Variants in SMYD3 observed in about 807,000 individuals in gnomAD.
SMYD3 encodes the protein histone-lysine N-methyltransferase SMYD3.
A neutral mutation model predicts 57.7 loss-of-function variants in SMYD3; 36 were observed. That is an observed-to-expected ratio of 0.62 (90% confidence interval 0.48 to 0.82). The LOEUF (loss-of-function observed/expected upper bound fraction) is 0.82, where lower values mean the gene tolerates loss of function less well. SMYD3 is among the 40% of genes least tolerant of loss of function. SMYD3 has a pLI of 0.00. For missense variants in SMYD3, 515 were observed against 538.8 expected, an observed-to-expected ratio of 0.96 and a Z score of 0.44; for synonymous variants, 211 against 195.0, an observed-to-expected ratio of 1.08 and a Z score of -0.68.
At chr1:245,960,470 T>C (rs533841065) in intron 5 of SMYD3, among the ~76,000 whole-genome samples, 1 of 152,288 alleles carries the variant, frequency 6.6e-6, no homozygotes, top group East Asian at 1.9e-4. Flanking sequence ...AGAATGGGCA[T>C]AGGGCTGGGC....
At chr1:246,409,852 T>C (rs1295604283) in intron 1 of SMYD3, among the ~76,000 whole-genome samples, 3 of 152,230 alleles carry the variant, frequency 2.0e-5, no homozygotes, top group African/African-American at 4.8e-5. Flanking sequence ...TTTATTTCAT[T>C]GAGCAGTGGT....
At chr1:246,354,446 G>C (rs2065879430) in intron 2 of SMYD3, among the ~76,000 whole-genome samples, 1 of 152,176 alleles carries the variant, frequency 6.6e-6, no homozygotes, top group South Asian at 2.1e-4. Flanking sequence ...ATTTGGGGAA[G>C]TGTGCAAAAT....
intron 1 of SMYD3, among the ~76,000 whole-genome samples, chr1:246,405,925 AG>A (rs2066858384): frequency 7.1e-6 from 1 of 141,148 alleles, no homozygotes; most frequent in Non-Finnish European, 1.6e-5. Context: ...AAAAAAAAAA[AG>A]AAAGAAAGAA....
At chr1:246,311,253 CT>C (rs2065070954) in intron 5 of SMYD3, among the ~76,000 whole-genome samples, 1 of 152,162 alleles carries the variant, frequency 6.6e-6, no homozygotes, top group Non-Finnish European at 1.5e-5. Context: ...ATGCTAAATA[CT>C]TTGCAAGATT....
At chr1:245,771,325 G>T (rs1349116557) in intron 10 of SMYD3, among the ~76,000 whole-genome samples, 1 of 152,116 alleles carries the variant, frequency 6.6e-6, no homozygotes, top group Non-Finnish European at 1.5e-5. Context: ...ACTGAAGCTG[G>T]ATGATAGACA....
intron 5 of SMYD3, among the ~76,000 whole-genome samples, chr1:246,082,554 T>C (rs1356643971): frequency 1.3e-5 from 2 of 152,120 alleles, no homozygotes; most frequent in African/African-American, 2.4e-5. Context: ...AAACTGTCCA[T>C]AAAAACCCCA....
chr1:246,355,383 C>T lies in SMYD3; in HGVS notation c.165-289G>A. 2.9e-6 allele frequency: 1 copy of T among 347,696 alleles called. No individual in the cohort carries two copies. The highest frequency in any genetic ancestry group is 6.4e-5 in the East Asian group (1 of 15,638). The allele number at this position is 347,696 out of a possible 1,614,324, so 21.5% of individuals were successfully genotyped here. Reference sequence around the variant, plus strand: ...AGACAGAGCAGCGTGTGGGGACTCACACTGTGAACTTTTGATCCAACAACT... The same window carrying T: ...AGACAGAGCAGCGTGTGGGGACTCATACTGTGAACTTTTGATCCAACAACT... On this transcript the variant is annotated intron_variant, in intron 1 of 11. Transcript: ENST00000490107. This position sits in a 1 kb window ranked among gnomAD's most constrained non-coding sequence, Gnocchi z 5.0.
chr1:246,410,084 G>C (rs1280339870), intron 1 of SMYD3, among the ~76,000 whole-genome samples: 2 of 152,142 alleles, frequency 1.3e-5, no homozygotes, highest in East Asian at 3.9e-4. Flanking sequence ...AGATGATCGG[G>C]TTTTCTAGAT....
intron 10 of SMYD3, among the ~76,000 whole-genome samples, chr1:245,775,220 G>C (rs2817493): frequency 0.42 from 64,063 of 152,068 alleles, 17,716 homozygotes; most frequent in East Asian, 0.88. Flanking sequence ...GGAGGTGTAC[G>C]CAGCAGGTCA....
At chr1:246,402,819 A>C (rs1285424869) in intron 1 of SMYD3, among the ~76,000 whole-genome samples, 1 of 152,232 alleles carries the variant, frequency 6.6e-6, no homozygotes, top group Non-Finnish European at 1.5e-5. Context: ...TTTACTATAA[A>C]GAGATTTTTC....
At chr1:246,485,635 T>A (rs919918293) in intron 1 of SMYD3, among the ~76,000 whole-genome samples, 35 of 151,090 alleles carry the variant, frequency 2.3e-4, no homozygotes, top group African/African-American at 5.4e-4. Context: ...CAAAAAAAAT[T>A]TTTTTTAAAT....
rs370612928 is a variant in SMYD3, at chr1:246,193,269, G to A, written c.531+133932C>T. Reference sequence around the variant, plus strand: ...GAAAAAATTCTGGGATGAAAGTAAGGAAGAAGAGATTGGAAGAATAAATTA... The same window carrying A: ...GAAAAAATTCTGGGATGAAAGTAAGAAAGAAGAGATTGGAAGAATAAATTA... On this transcript the variant is annotated intron_variant, in intron 5 of 11. Transcript: ENST00000490107. 5.9e-5 allele frequency among the ~76,000 whole-genome samples: 9 copies of A among 152,274 alleles called. No homozygotes were observed. In the South Asian group the frequency reaches 8.3e-4, roughly 14 times the overall value.
intron 1 of SMYD3, among the ~76,000 whole-genome samples, chr1:246,426,441 C>T (rs748456577): frequency 1.5e-4 from 23 of 152,180 alleles, no homozygotes; most frequent in Admixed American, 2.6e-4. Flanking sequence ...CAGCCCTACA[C>T]AGCCACTAAT....
intron 1 of SMYD3, among the ~76,000 whole-genome samples, chr1:246,449,369 G>A (rs1461644743): frequency 6.6e-6 from 1 of 152,154 alleles, no homozygotes; most frequent in East Asian, 1.9e-4. Context: ...GTACTCATTT[G>A]GGTAGACCTC....
intron 5 of SMYD3, among the ~76,000 whole-genome samples, chr1:246,112,250 A>G (rs1487755796): frequency 6.6e-6 from 1 of 152,222 alleles, no homozygotes; most frequent in African/African-American, 2.4e-5. Context: ...AAGATCAATT[A>G]CCACACAGAA....
chr1:245,821,096 C>G (rs1418563436), intron 10 of SMYD3, among the ~76,000 whole-genome samples: 1 of 150,080 alleles, frequency 6.7e-6, no homozygotes, highest in African/African-American at 2.4e-5. Flanking sequence ...CAAGTCAATC[C>G]TAAGCCAAAA....
At chr1:245,800,676 A>C (rs997766303) in intron 10 of SMYD3, among the ~76,000 whole-genome samples, 3 of 152,322 alleles carry the variant, frequency 2.0e-5, no homozygotes, top group Non-Finnish European at 4.4e-5. Flanking sequence ...CTTTGTTCTT[A>C]AAGACTGTTT....
At chr1:245,910,854 G>A (rs960024214) in intron 8 of SMYD3, among the ~76,000 whole-genome samples, 1 of 151,982 alleles carries the variant, frequency 6.6e-6, no homozygotes, top group African/African-American at 2.4e-5. Flanking sequence ...TACTTATTGA[G>A]CAAGACCTCA....
At chr1:246,314,732 G>A (rs1161560330) in intron 5 of SMYD3, among the ~76,000 whole-genome samples, 1 of 152,224 alleles carries the variant, frequency 6.6e-6, no homozygotes, top group Non-Finnish European at 1.5e-5. Flanking sequence ...AGGGAAGGCA[G>A]ACAGCTGGTT....
Sources: gnomAD v4.1 joint callset for allele counts (sites outside exome capture counted in the v4.1 genomes callset) on GRCh38, gnomAD v4.1.1 for gene constraint, Gnocchi (gnomAD v3.1) non-coding constraint, MANE v1.5 for transcripts, NCBI Gene and HGNC (gene_info 2026-07-23, HGNC 2026-07-21) for gene names.